Variants in BRDT observed in about 807,000 individuals in gnomAD.
BRDT encodes bromodomain testis-specific protein.
In BRDT, 77 loss-of-function variants were observed where a neutral mutation model predicts 113.9. That is an observed-to-expected ratio of 0.68 (90% CI 0.56 to 0.82). The LOEUF is 0.82. BRDT is among the 40% of genes least tolerant of loss of function. The pLI, the probability that BRDT is intolerant of heterozygous loss-of-function variation, is 0.00. For synonymous variants in BRDT, 358 were observed against 366.5 expected (o/e 0.98, Z 0.26); for missense variants, 1,027 against 1,105.4 (o/e 0.93, Z 1.01).
Position 91,980,638 on chromosome 1 carries a change from A to G in BRDT, c.1288-5A>G. On this transcript the variant is annotated splice_polypyrimidine_tract_variant and splice_region_variant and intron_variant, in intron 8 of 18. Transcript: ENST00000399546. Reference sequence around the variant, plus strand: ...AATGTTTACAGATTTTTTTTCTTTTATCAGCTTAAAGCTGTACATCAACAG... The same window carrying G: ...AATGTTTACAGATTTTTTTTCTTTTGTCAGCTTAAAGCTGTACATCAACAG... 8.4e-6 allele frequency: 12 copies of G among 1,428,798 alleles called. No homozygotes were observed. The highest frequency in any genetic ancestry group is 1.5e-5 in the African/African-American group (1 of 67,706). The allele number at this position is 1,428,798 out of a possible 1,614,324, so 88.5% of individuals were successfully genotyped here. A position where few individuals can be genotyped will look rare whatever the true frequency, so the allele number is the denominator to read the frequency against.
intron 15 of BRDT, among the ~76,000 whole-genome samples, chr1:91,994,729 G>T (rs180966266): frequency 6.6e-6 from 1 of 150,870 alleles, no homozygotes; most frequent in South Asian, 2.1e-4. Flanking sequence ...TTAGCCGGGC[G>T]CAGTGGCGGG....
At position 91,997,318 on chromosome 1, in the gene BRDT, C is replaced by T. The variant is rs1686439913; in HGVS notation, c.2287+3064C>T. On this transcript the variant is annotated intron_variant, in intron 15 of 18. Transcript: ENST00000399546. ...GAATTTGAGTGTAGTGAATGTAAAG[C>T]ATTCTTTGAAGAACTTTGTTGGTAA... Among the ~76,000 whole-genome samples the T allele has an allele frequency of 3.9e-5, 6 of 152,168 alleles. No homozygotes were observed. The South Asian group carries it at 1.2e-3, about 32-fold the overall frequency.
intron 5 of BRDT, 96 bp downstream of exon 5, chr1:91,976,534 C>G: frequency 8.2e-7 from 1 of 1,213,758 alleles, no homozygotes; most frequent in South Asian, 1.8e-5. Context: ...AGCAATTTTT[C>G]TTTTTTAATT....
intron 15 of BRDT, among the ~76,000 whole-genome samples, chr1:91,999,853 A>G (rs1196201228): frequency 6.6e-6 from 1 of 152,116 alleles, no homozygotes; most frequent in Non-Finnish European, 1.5e-5. Flanking sequence ...CCATGTAAAA[A>G]CTGAATTCCC....
At position 91,981,071 on chromosome 1, in the gene BRDT, A is replaced by G. The variant is rs1417584390; in HGVS notation, c.1643A>G (p.Asn548Ser). 2.5e-6 allele frequency: 4 copies of G among 1,613,954 alleles called. No homozygotes were observed. Among genetic ancestry groups the G allele is most frequent in the Non-Finnish European group, 3.4e-6 (4 of 1,179,986 alleles). The change falls in exon 10 of 19, where the codon AAT (asparagine) becomes AGT (serine). Residue 548 changes from asparagine (N) to serine (S), a missense_variant. Physicochemically the swap from Asn to Ser is conservative, Grantham distance 46. Coordinates refer to ENST00000399546, the MANE Select transcript of BRDT (RefSeq NM_207189.4). ...AGAGAGCCTTCTCTGAGCAATTCCA[A>G]TCCTGATGAGATAGAGATAGACTTT... ...QSREPSLSNS[N>S]PDEIEIDFET...
At chr1:92,007,575 A>C (rs1487434289) in intron 18 of BRDT, among the ~76,000 whole-genome samples, 4 of 152,078 alleles carry the variant, frequency 2.6e-5, no homozygotes, top group Non-Finnish European at 5.9e-5. Context: ...CTCCTTCTTT[A>C]TGTCTACAGA....
rs1382506414 is a variant in BRDT, at chr1:91,977,475, G to A, written c.969+82G>A. 3 of 1,179,096 alleles carry A rather than the reference G, an allele frequency of 2.5e-6. No homozygotes were observed. In the East Asian group the frequency reaches 7.5e-5, roughly 29 times the overall value. 73.0% of individuals were successfully genotyped at this position (1,179,096 alleles called of 1,614,324 possible). ...CATTGCAAAGAAATCTTAAAATCTA[G>A]AAAAAGATGAAGGAAATTAAGATCA... is the stretch of plus-strand genomic sequence containing the variant. On this transcript the variant is annotated intron_variant, in intron 6 of 18. Coordinates refer to ENST00000399546, the MANE Select transcript of BRDT (RefSeq NM_207189.4).
At chr1:91,950,259 G>C (rs1175925629) in intron 1 of BRDT, 2 of 152,164 alleles carry the variant, frequency 1.3e-5, no homozygotes, top group African/African-American at 4.8e-5. Context: ...GACCAGCCTG[G>C]CCAACATAAT....
intron 7 of BRDT, among the ~76,000 whole-genome samples, chr1:91,978,665 G>C (rs1270063068): frequency 6.6e-6 from 1 of 152,082 alleles, no homozygotes; most frequent in Non-Finnish European, 1.5e-5. Flanking sequence ...AATGGCTGCA[G>C]GTAATAGAAT....
At chr1:91,998,492 T>A (rs1018020981) in intron 15 of BRDT, among the ~76,000 whole-genome samples, 4 of 152,182 alleles carry the variant, frequency 2.6e-5, no homozygotes, top group African/African-American at 9.7e-5. Flanking sequence ...ACTTAAAGTA[T>A]AATAAAAAAA....
At chr1:92,002,193 A>G (rs773589561) in intron 16 of BRDT, 44 bp downstream of exon 16, 1 of 1,419,882 alleles carries the variant, frequency 7.0e-7, no homozygotes, top group African/African-American at 1.4e-5. Flanking sequence ...AAGGGATTTG[A>G]AATTGGGTTT....
Position 91,991,703 on chromosome 1 carries a change from A to C in BRDT, c.2064+458A>C, listed in dbSNP as rs186983288. ...TAGTAGTTGATGTGCTTTGAAAAGA[A>C]CAGAAGTGGCCAGGCGAGGTGGCTC... On this transcript the variant is annotated intron_variant, in intron 13 of 18. Transcript: ENST00000399546. 3.4e-3 allele frequency among the ~76,000 whole-genome samples: 524 copies of C among 152,338 alleles called. 3 individuals carry two copies. The highest frequency in any genetic ancestry group is 0.01 in the Middle Eastern group (3 of 294).
chr1:91,988,521 C>G (rs770316403), intron 12 of BRDT, among the ~76,000 whole-genome samples: 1 of 152,104 alleles, frequency 6.6e-6, no homozygotes, highest in Non-Finnish European at 1.5e-5. Context: ...GTGCCTCAGC[C>G]TCCCGAGTAG....
At chr1:91,975,205 C>T (rs1023257736) in intron 4 of BRDT, among the ~76,000 whole-genome samples, 1 of 151,880 alleles carries the variant, frequency 6.6e-6, no homozygotes. Context: ...GGGTGTAGCA[C>T]ACCAACATGG....
intron 18 of BRDT, among the ~76,000 whole-genome samples, chr1:92,011,217 A>AT (rs1687771605): frequency 6.6e-6 from 1 of 152,226 alleles, no homozygotes; most frequent in African/African-American, 2.4e-5. Flanking sequence ...CATTTAACAT[A>AT]TGGTGAAGTT....
intron 4 of BRDT, among the ~76,000 whole-genome samples, chr1:91,973,376 A>G (rs1467822191): frequency 6.6e-6 from 1 of 152,052 alleles, no homozygotes; most frequent in Non-Finnish European, 1.5e-5. Context: ...CTTGGGCAGT[A>G]TGGCCATTTT....
chr1:91,985,876 G>A (rs1332336745), intron 12 of BRDT, among the ~76,000 whole-genome samples: 2 of 151,734 alleles, frequency 1.3e-5, no homozygotes, highest in Non-Finnish European at 2.9e-5. Flanking sequence ...CTGACCTCGT[G>A]ATCCGCCCGC....
intron 4 of BRDT, among the ~76,000 whole-genome samples, chr1:91,970,030 A>T (rs1683475559): frequency 6.6e-6 from 1 of 151,988 alleles, no homozygotes; most frequent in South Asian, 2.1e-4. Context: ...GGGTTTCACC[A>T]TGTTGGCCAG....
In BRDT at chr1:91,977,107, G is replaced by C. The variant is rs1400519523; in HGVS notation, c.683G>C (p.Ser228Thr). The C allele has an allele frequency of 2.5e-6, 4 of 1,613,684 alleles. No homozygotes were observed. Among genetic ancestry groups the C allele is most frequent in the South Asian group, 1.1e-5 (1 of 90,902 alleles). The change falls in exon 6 of 19, where the codon AGT becomes ACT. Residue 228 changes from serine to threonine, a missense_variant. Coordinates refer to ENST00000399546, the MANE Select transcript of BRDT (RefSeq NM_207189.4). ...TTPATSAVKA[S>T]SEFSPTFTEK... The stretch of plus-strand genomic sequence containing the variant: ...CCTGCAACTTCAGCAGTTAAAGCAA[G>C]TAGTGAATTTTCTCCAACATTCACA...
Sources: gnomAD v4.1 joint callset for allele counts (sites outside exome capture counted in the v4.1 genomes callset) on GRCh38, gnomAD v4.1.1 for gene constraint, MANE v1.5 for transcripts, NCBI Gene and HGNC (gene_info 2026-07-23, HGNC 2026-07-21) for gene names.